Variants in SIPA1L3 observed in about 807,000 individuals in gnomAD.
SIPA1L3 encodes signal-induced proliferation-associated 1-like protein 3.
SIPA1L3 carries 59 observed loss-of-function variants against 150.1 expected under a neutral mutation model. The ratio of observed to expected loss-of-function variants is 0.39; its 90% CI spans 0.32 to 0.49. The LOEUF is 0.49. SIPA1L3 is among the 20% of genes least tolerant of loss of function. SIPA1L3 has a pLI of 0.86. For synonymous variants in SIPA1L3, 1,070 were observed against 1,077.6 expected, an observed-to-expected ratio of 0.99 and a Z score of 0.14; for missense variants, 2,211 against 2,489.5, an observed-to-expected ratio of 0.89 and a Z score of 2.38.
intron 19 of SIPA1L3, among the ~76,000 whole-genome samples, chr19:38,201,570 G>A (rs1973088017): frequency 6.6e-6 from 1 of 152,156 alleles, no homozygotes; most frequent in South Asian, 2.1e-4. Flanking sequence ...GAATCCGGTC[G>A]GTTGCTAGCT....
Position 38,088,882 on chromosome 19 carries a change from G to T in SIPA1L3, c.1665+31G>T, listed in dbSNP as rs374175732. 3 of 1,607,958 alleles carry T rather than the reference G, an allele frequency of 1.9e-6. No individual in the cohort carries two copies. The African/African-American group carries it at 4.0e-5, about 22-fold the overall frequency. On this transcript the variant is annotated intron_variant, in intron 4 of 21. Coordinates refer to ENST00000222345, the MANE Select transcript of SIPA1L3 (RefSeq NM_015073.3). Reference sequence around the variant, plus strand: ...TCCCATCACTCTCGTTCTTATTAAAGAAATCATAGCCACTCACATCTCGAG... The same window carrying T: ...TCCCATCACTCTCGTTCTTATTAAATAAATCATAGCCACTCACATCTCGAG...
intron 15 of SIPA1L3, among the ~76,000 whole-genome samples, chr19:38,166,973 G>A (rs1047581060): frequency 8.6e-5 from 13 of 151,450 alleles, no homozygotes; most frequent in Non-Finnish European, 1.8e-4. Flanking sequence ...AGTGGCTCAC[G>A]CCTGTAATCC....
chr19:38,125,708 G>C (rs8104873), intron 9 of SIPA1L3, among the ~76,000 whole-genome samples: 14,895 of 152,136 alleles, frequency 0.098, 983 homozygotes, highest in Non-Finnish European at 0.13. Context: ...CACTCTCCCC[G>C]GCAGGCTGAC....
chr19:37,969,875 T>C (rs1339566470), intron 1 of SIPA1L3, among the ~76,000 whole-genome samples: 1 of 152,224 alleles, frequency 6.6e-6, no homozygotes, highest in African/African-American at 2.4e-5. Context: ...TTGGCAAAGC[T>C]TCATAGCAGT....
chr19:38,077,607 T>C (rs1372245267), intron 2 of SIPA1L3, among the ~76,000 whole-genome samples: 1 of 151,628 alleles, frequency 6.6e-6, no homozygotes, highest in Non-Finnish European at 1.5e-5. Context: ...CGATCATCTC[T>C]GCATGATAGT....
chr19:37,959,483 C>T (rs2046838446), intron 1 of SIPA1L3, among the ~76,000 whole-genome samples: 1 of 152,126 alleles, frequency 6.6e-6, no homozygotes, highest in Admixed American at 6.5e-5. Flanking sequence ...TCTACAGAGA[C>T]AGAAAATAGA....
intron 15 of SIPA1L3, among the ~76,000 whole-genome samples, chr19:38,177,739 C>T (rs1454758015): frequency 6.6e-6 from 1 of 150,966 alleles, no homozygotes; most frequent in African/African-American, 2.4e-5. Flanking sequence ...TAAGGATATG[C>T]TTGCGGCAGG....
At chr19:37,953,286 A>G in intron 1 of SIPA1L3, among the ~76,000 whole-genome samples, 1 of 152,148 alleles carries the variant, frequency 6.6e-6, no homozygotes, top group East Asian at 1.9e-4. Context: ...AGCCTTGCAC[A>G]CTGGCCGCTA....
At chr19:38,147,926 G>A (rs527304038) in intron 12 of SIPA1L3, among the ~76,000 whole-genome samples, 29 of 152,226 alleles carry the variant, frequency 1.9e-4, no homozygotes, top group South Asian at 6.2e-4. Context: ...TGACCCTGAC[G>A]TAGAACTTTG....
At chr19:38,180,912 G>T (rs1289083873) in intron 15 of SIPA1L3, among the ~76,000 whole-genome samples, 1 of 152,076 alleles carries the variant, frequency 6.6e-6, no homozygotes, top group Non-Finnish European at 1.5e-5. Flanking sequence ...GGTGTTTGTT[G>T]AGCTTCTTGG....
At chr19:38,092,477 T>TGTGTACCTGC (rs1197133695) in intron 4 of SIPA1L3, among the ~76,000 whole-genome samples, 4 of 152,216 alleles carry the variant, frequency 2.6e-5, no homozygotes, top group African/African-American at 9.7e-5. Flanking sequence ...GTTCACTAAG[T>TGTGTACCTGC]TTGAAACTGG....
At chr19:38,130,964 GT>G in intron 10 of SIPA1L3, 192 bp downstream of exon 10, 1 of 613,424 alleles carries the variant, frequency 1.6e-6, no homozygotes, top group Non-Finnish European at 2.8e-6. Flanking sequence ...CCAGTTATTG[GT>G]TTAGCCCTTC....
chr19:37,908,573 G>A (rs1274157791), intron 1 of SIPA1L3, among the ~76,000 whole-genome samples: 2 of 151,764 alleles, frequency 1.3e-5, no homozygotes, highest in African/African-American at 2.4e-5. Flanking sequence ...CACAAGGCCC[G>A]GCACACAGTA....
chr19:38,135,331 G>T (rs1600118010), intron 10 of SIPA1L3, among the ~76,000 whole-genome samples: 2 of 152,170 alleles, frequency 1.3e-5, no homozygotes, highest in Middle Eastern at 6.8e-3. Context: ...CATGCCCCGG[G>T]TGTCTCCGGT....
chr19:38,141,665 A>G (rs1383961507), intron 11 of SIPA1L3, among the ~76,000 whole-genome samples: 1 of 152,104 alleles, frequency 6.6e-6, no homozygotes, highest in Admixed American at 6.6e-5. Context: ...TTAGAAATCC[A>G]TTATACTAAG....
rs953722862 is a variant in SIPA1L3 at position 38,047,685 on chromosome 19, C to T, written c.-311+18529C>T. Among the ~76,000 whole-genome samples the T allele has an allele frequency of 6.6e-6, 1 of 152,226 alleles. No individual in the cohort carries two copies. The highest frequency in any genetic ancestry group is 1.5e-5 in the Non-Finnish European group (1 of 68,044). ...TTGCCCGCCCCTGCCACACTGGTAT[C>T]TTTCCCTTGATGCTGACGGAGGGAT... On this transcript the variant is annotated intron_variant, in intron 2 of 21. Transcript: ENST00000222345. This position sits in a 1 kb window ranked among gnomAD's most constrained non-coding sequence, Gnocchi z 4.7.
intron 1 of SIPA1L3, among the ~76,000 whole-genome samples, chr19:37,920,739 C>A (rs893555798): frequency 5.9e-5 from 9 of 152,180 alleles, no homozygotes; most frequent in African/African-American, 2.2e-4. Flanking sequence ...ATTATATGAG[C>A]CAATACTTGG....
intron 10 of SIPA1L3, among the ~76,000 whole-genome samples, chr19:38,137,421 T>G (rs1034016737): frequency 1.3e-5 from 2 of 151,944 alleles, no homozygotes; most frequent in Non-Finnish European, 2.9e-5. Context: ...ACTCCTGACC[T>G]CAGGTGATCC....
chr19:37,983,052 T>C (rs954746814), intron 1 of SIPA1L3, among the ~76,000 whole-genome samples: 1 of 152,202 alleles, frequency 6.6e-6, no homozygotes, highest in Admixed American at 6.5e-5. Context: ...AGTTGATCTA[T>C]GCAAAATGTT....
Sources: gnomAD v4.1 joint callset for allele counts (sites outside exome capture counted in the v4.1 genomes callset) on GRCh38, gnomAD v4.1.1 for gene constraint, Gnocchi (gnomAD v3.1) non-coding constraint, MANE v1.5 for transcripts, NCBI Gene and HGNC (gene_info 2026-07-23, HGNC 2026-07-21) for gene names.